The following CALN1 variants were observed in gnomAD, a reference collection of about 807,000 sequenced individuals.
The protein encoded by CALN1 is calneuron 1.
In CALN1, 17 loss-of-function variants were observed where a neutral mutation model predicts 30.6. That is an observed-to-expected ratio of 0.56 (90% CI 0.38 to 0.83). The LOEUF (loss-of-function observed/expected upper bound fraction) is 0.83, where lower values mean the gene tolerates loss of function less well. CALN1 is among the 40% of genes least tolerant of loss of function. CALN1 has a pLI of 0.00. For missense variants in CALN1, 291 were observed against 354.9 expected, an observed-to-expected ratio of 0.82 and a Z score of 1.45; for synonymous variants, 156 against 131.4, an observed-to-expected ratio of 1.19 and a Z score of -1.28.
chr7:72,004,840 T>C (rs879401169), intron 5 of CALN1, among the ~76,000 whole-genome samples: 1 of 152,084 alleles, frequency 6.6e-6, no homozygotes, highest in Non-Finnish European at 1.5e-5. Flanking sequence ...AATTAGAATA[T>C]GGGCAAAAGA....
chr7:72,218,435 G>A (rs2459607), intron 3 of CALN1, among the ~76,000 whole-genome samples: 2,802 of 151,994 alleles, frequency 0.018, 71 homozygotes, highest in African/African-American at 0.063. Context: ...GCAACAGAGC[G>A]AGACTCCATC....
At chr7:71,803,743 G>A (rs1261033066) in intron 6 of CALN1, among the ~76,000 whole-genome samples, 2 of 152,064 alleles carry the variant, frequency 1.3e-5, no homozygotes, top group Non-Finnish European at 2.9e-5. Flanking sequence ...CCAAAGTGCT[G>A]GGTTCCTGCC....
intron 3 of CALN1, among the ~76,000 whole-genome samples, chr7:72,124,964 A>AT (rs1176178565): frequency 2.0e-5 from 3 of 152,032 alleles, no homozygotes; most frequent in Admixed American, 6.6e-5. Context: ...AACTCACAGT[A>AT]TTTTTTTACT....
intron 3 of CALN1, among the ~76,000 whole-genome samples, chr7:72,253,009 T>C (rs913104099): frequency 6.6e-6 from 1 of 152,132 alleles, no homozygotes; most frequent in Non-Finnish European, 1.5e-5. Flanking sequence ...TTTTTACAAG[T>C]GGGGAAACTG....
At chr7:72,260,720 C>G (rs1796208142) in intron 3 of CALN1, among the ~76,000 whole-genome samples, 1 of 152,188 alleles carries the variant, frequency 6.6e-6, no homozygotes, top group Middle Eastern at 3.4e-3. Flanking sequence ...AGGAGCCCCC[C>G]ACACAGATGT....
At chr7:72,336,203 C>T (rs1802021537) in intron 2 of CALN1, among the ~76,000 whole-genome samples, 1 of 152,154 alleles carries the variant, frequency 6.6e-6, no homozygotes. Flanking sequence ...AACCCTGCCT[C>T]CCGCCTCCCC....
intron 1 of CALN1, among the ~76,000 whole-genome samples, chr7:72,428,921 C>T (rs1807882129): frequency 6.6e-6 from 1 of 152,152 alleles, no homozygotes; most frequent in African/African-American, 2.4e-5. Flanking sequence ...TCTATCAAAC[C>T]TCTGGTTGAC....
Position 72,045,737 on chromosome 7 carries a change from C to T in CALN1, c.389-21968G>A, listed in dbSNP as rs1370719427. ...TAGAGAGACCAGGTGTGGTGGCTCA[C>T]ACCTGTAATCCCAACACTTTGGGAG... On this transcript the variant is annotated intron_variant, in intron 4 of 6. Coordinates refer to ENST00000395275, the MANE Select transcript of CALN1 (RefSeq NM_031468.4). Among the ~76,000 whole-genome samples the T allele has an allele frequency of 5.3e-5, 8 of 152,106 alleles. No homozygotes were observed. In the East Asian group the frequency reaches 1.6e-3, roughly 29 times the overall value.
intron 4 of CALN1, among the ~76,000 whole-genome samples, chr7:72,087,229 G>A (rs1805540464): frequency 6.6e-6 from 1 of 152,138 alleles, no homozygotes; most frequent in African/African-American, 2.4e-5. Context: ...AAAATAAGAA[G>A]TACCTCTCAT....
intron 2 of CALN1, among the ~76,000 whole-genome samples, chr7:72,376,540 G>A (rs550661908): frequency 6.6e-6 from 1 of 152,058 alleles, no homozygotes; most frequent in Non-Finnish European, 1.5e-5. Flanking sequence ...CTAATTATTT[G>A]TCCTTTTTTA....
At chr7:71,931,473 C>T (rs1186747010) in intron 5 of CALN1, among the ~76,000 whole-genome samples, 3 of 152,144 alleles carry the variant, frequency 2.0e-5, no homozygotes, top group Non-Finnish European at 2.9e-5. Flanking sequence ...CACCACGTTG[C>T]CCAGGCTGTT....
At chr7:72,198,997 G>A (rs1791229887) in intron 3 of CALN1, among the ~76,000 whole-genome samples, 1 of 152,172 alleles carries the variant, frequency 6.6e-6, no homozygotes, top group Non-Finnish European at 1.5e-5. Flanking sequence ...AATTCTGGCT[G>A]GGCGCAGTGG....
At chr7:72,048,812 CTCTT>C (rs1037646586) in intron 4 of CALN1, among the ~76,000 whole-genome samples, 3 of 150,532 alleles carry the variant, frequency 2.0e-5, no homozygotes, top group Non-Finnish European at 3.0e-5. Flanking sequence ...TTCCTTCCTT[CTCTT>C]TCTTTCGACA....
At chr7:72,066,398 C>G (rs554571209) in intron 4 of CALN1, among the ~76,000 whole-genome samples, 1 of 152,184 alleles carries the variant, frequency 6.6e-6, no homozygotes, top group Admixed American at 6.5e-5. Flanking sequence ...CTATCTTAAC[C>G]ACACACATAC....
At chr7:72,487,713 A>AAAGAAAGAAAGAAAG in the CALN1 span, among the ~76,000 whole-genome samples, 184 of 68,664 alleles carry the variant, frequency 2.7e-3, 12 homozygotes, top group Middle Eastern at 0.02. Flanking sequence ...AAAAGAAAAG[A>AAAGAAAGAAAGAAAG]AAAGAAAGAA....
At chr7:71,985,837 A>G (rs1798643759) in intron 5 of CALN1, among the ~76,000 whole-genome samples, 2 of 151,406 alleles carry the variant, frequency 1.3e-5, no homozygotes, top group Non-Finnish European at 2.9e-5. Flanking sequence ...TGATCCACCC[A>G]CCTTGGCCTC....
intron 6 of CALN1, among the ~76,000 whole-genome samples, chr7:71,794,225 T>C (rs758602191): frequency 6.6e-6 from 1 of 152,178 alleles, no homozygotes; most frequent in Non-Finnish European, 1.5e-5. Flanking sequence ...GGTTCAAAAC[T>C]TGTGTACAAA....
intron 1 of CALN1, among the ~76,000 whole-genome samples, chr7:72,405,155 G>A (rs920124594): frequency 6.6e-5 from 10 of 152,122 alleles, no homozygotes; most frequent in African/African-American, 2.4e-4. Flanking sequence ...CGATTGGGCC[G>A]GCACTTCCCA....
chr7:71,792,227 T>A lies in CALN1; in HGVS notation c.659-4325A>T, dbSNP rs534044413. 2.6e-5 allele frequency among the ~76,000 whole-genome samples: 4 copies of A among 152,240 alleles called. No individual in the cohort carries two copies. In the East Asian group the frequency reaches 7.7e-4, roughly 29 times the overall value. On this transcript the variant is annotated intron_variant, in intron 6 of 6. Coordinates refer to ENST00000395275, the MANE Select transcript of CALN1 (RefSeq NM_031468.4). The stretch of plus-strand genomic sequence containing the variant: ...CCTCTTGCTGTCTATTATTTAGAAG[T>A]CTGTAATAGAAGACTATAGGTCAGC...
Sources: gnomAD v4.1 joint callset for allele counts (sites outside exome capture counted in the v4.1 genomes callset) on GRCh38, gnomAD v4.1.1 for gene constraint, MANE v1.5 for transcripts, NCBI Gene and HGNC (gene_info 2026-07-23, HGNC 2026-07-21) for gene names.